Variants in PRELID2 observed in about 807,000 individuals in gnomAD.
The protein encoded by PRELID2 is PRELI domain-containing protein 2.
A neutral mutation model predicts 28.4 loss-of-function variants in PRELID2; 25 were observed. The observed-to-expected ratio is 0.88, with a 90% CI of 0.64 to 1.23. The LOEUF (loss-of-function observed/expected upper bound fraction) is 1.23. Ranked by LOEUF, PRELID2 falls within the 50% of genes most tolerant of loss-of-function variation. The probability of loss-of-function intolerance (pLI) is 0.00; values close to 1 mark genes in which losing one functional copy is unlikely to be tolerated. For missense variants in PRELID2, 201 were observed against 214.4 expected, an observed-to-expected ratio of 0.94 and a Z score of 0.39; for synonymous variants, 76 against 71.6, an observed-to-expected ratio of 1.06 and a Z score of -0.31.
At chr5:145,376,695 T>A in the PRELID2 span, among the ~76,000 whole-genome samples, 4 of 152,158 alleles carry the variant, frequency 2.6e-5, no homozygotes, top group African/African-American at 9.6e-5. Context: ...TTCATAATAT[T>A]CTCTGATGAG....
At chr5:145,298,311 C>T in the PRELID2 span, among the ~76,000 whole-genome samples, 48 of 152,094 alleles carry the variant, frequency 3.2e-4, no homozygotes, top group Middle Eastern at 3.4e-3. Context: ...TCAGAAATAA[C>T]GCCGCATATC....
chr5:145,447,560 C>T, the PRELID2 span, among the ~76,000 whole-genome samples: 10 of 132,616 alleles, frequency 7.5e-5, no homozygotes, highest in East Asian at 2.2e-4. Flanking sequence ...CATGCTGGTG[C>T]GCTGCACCCA....
chr5:145,500,832 C>A (rs80309149), intron 1 of PRELID2, among the ~76,000 whole-genome samples: 1 of 152,144 alleles, frequency 6.6e-6, no homozygotes, highest in South Asian at 2.1e-4. Context: ...ACTGCTGCTG[C>A]TGATGCCACC....
At chr5:145,451,381 C>T in the PRELID2 span, among the ~76,000 whole-genome samples, 1 of 152,206 alleles carries the variant, frequency 6.6e-6, no homozygotes, top group Non-Finnish European at 1.5e-5. Context: ...TTCATCCTTA[C>T]CGGTCATCTT....
intron 1 of PRELID2, among the ~76,000 whole-genome samples, chr5:145,558,533 C>T (rs1160142491): frequency 2.0e-5 from 3 of 152,178 alleles, no homozygotes; most frequent in East Asian, 3.9e-4. Context: ...ACTCACCTTA[C>T]GTGACACTCA....
intron 1 of PRELID2, among the ~76,000 whole-genome samples, chr5:145,499,896 G>A (rs1003684682): frequency 3.9e-5 from 6 of 152,188 alleles, no homozygotes; most frequent in Non-Finnish European, 4.4e-5. Flanking sequence ...AAACAAATGT[G>A]AAATTCCAGA....
At chr5:145,231,389 C>G in the PRELID2 span, among the ~76,000 whole-genome samples, 1 of 152,100 alleles carries the variant, frequency 6.6e-6, no homozygotes, top group Non-Finnish European at 1.5e-5. Context: ...ATTACCCACT[C>G]TAAACTGAAT....
At chr5:145,371,070 T>C in the PRELID2 span, among the ~76,000 whole-genome samples, 1 of 152,096 alleles carries the variant, frequency 6.6e-6, no homozygotes, top group Non-Finnish European at 1.5e-5. Context: ...CAGAGACAAT[T>C]TGACCTCCTC....
intron 1 of PRELID2, among the ~76,000 whole-genome samples, chr5:145,534,718 CT>C (rs1348168442): frequency 6.6e-6 from 1 of 151,738 alleles, no homozygotes; most frequent in African/African-American, 2.4e-5. Context: ...ATGTTGGTTT[CT>C]TTTTTTTCTG....
At chr5:145,606,290 A>G (rs370431099) in intron 1 of PRELID2, among the ~76,000 whole-genome samples, 6 of 152,060 alleles carry the variant, frequency 3.9e-5, no homozygotes, top group Non-Finnish European at 8.8e-5. Context: ...TCTGGCTAGG[A>G]TTTCCAGTCC....
chr5:145,387,136 G>A, the PRELID2 span, among the ~76,000 whole-genome samples: 1 of 152,082 alleles, frequency 6.6e-6, no homozygotes, highest in Non-Finnish European at 1.5e-5. Context: ...TGCATGACCA[G>A]GTATACTTAC....
intron 1 of PRELID2, among the ~76,000 whole-genome samples, chr5:145,511,901 A>G (rs1390159206): frequency 3.3e-5 from 5 of 152,194 alleles, no homozygotes; most frequent in Non-Finnish European, 7.3e-5. Context: ...AGATTATGCT[A>G]GCTTGGACTG....
the PRELID2 span, among the ~76,000 whole-genome samples, chr5:145,448,447 C>G: frequency 0.24 from 36,802 of 151,926 alleles, 4,601 homozygotes; most frequent in South Asian, 0.35. Flanking sequence ...ATGGTAGTTT[C>G]TTTTGCTGTG....
Position 145,735,081 on chromosome 5 carries a change from C to A in PRELID2, n.70+29850G>T, listed in dbSNP as rs554618619. On this transcript the variant is annotated intron_variant and non_coding_transcript_variant, in intron 1 of 2. Coordinates refer to the PRELID2 transcript ENST00000510259. Reference sequence around the variant, plus strand: ...CCAACATGATGAAACCCCATCTCTACTAAAAATACAAAAATTAGCCAGGCA... The same window carrying A: ...CCAACATGATGAAACCCCATCTCTAATAAAAATACAAAAATTAGCCAGGCA... 8.8e-4 allele frequency among the ~76,000 whole-genome samples: 44 copies of A among 50,072 alleles called. 2 individuals carry two copies. The South Asian group carries it at 0.022, about 25-fold the overall frequency. The allele number at this position is 50,072 out of a possible 152,430, so 32.8% of individuals were successfully genotyped here.
At chr5:145,440,501 G>T in the PRELID2 span, among the ~76,000 whole-genome samples, 1 of 152,074 alleles carries the variant, frequency 6.6e-6, no homozygotes, top group African/African-American at 2.4e-5. Flanking sequence ...GTTTTGTTTG[G>T]TTTTTAACAA....
chr5:145,316,823 A>G, the PRELID2 span, among the ~76,000 whole-genome samples: 1 of 152,300 alleles, frequency 6.6e-6, no homozygotes, highest in Non-Finnish European at 1.5e-5. Context: ...AAAGCCACCA[A>G]CAATGTTTGG....
At chr5:145,581,956 A>G (rs186125582) in intron 1 of PRELID2, among the ~76,000 whole-genome samples, 3 of 152,242 alleles carry the variant, frequency 2.0e-5, no homozygotes, top group Admixed American at 2.0e-4. Context: ...AGCCATATTC[A>G]GTGCAACTTA....
intron 1 of PRELID2, among the ~76,000 whole-genome samples, chr5:145,590,669 G>A (rs1753214337): frequency 6.6e-6 from 1 of 151,942 alleles, no homozygotes; most frequent in South Asian, 2.1e-4. Flanking sequence ...TTAGTATTTG[G>A]GGGCAAATTC....
the PRELID2 span, among the ~76,000 whole-genome samples, chr5:145,232,409 C>T: frequency 1.3e-5 from 2 of 152,106 alleles, no homozygotes; most frequent in African/African-American, 2.4e-5. Flanking sequence ...GCTTCCAACC[C>T]AGGAAATCTG....
Sources: gnomAD v4.1 joint callset for allele counts (sites outside exome capture counted in the v4.1 genomes callset) on GRCh38, gnomAD v4.1.1 for gene constraint, MANE v1.5 for transcripts, NCBI Gene and HGNC (gene_info 2026-07-23, HGNC 2026-07-21) for gene names.